PTPN3: variants seen among roughly 807,000 people sequenced by gnomAD.
PTPN3 encodes tyrosine-protein phosphatase non-receptor type 3.
PTPN3 carries 96 observed loss-of-function variants against 132.7 expected under a neutral mutation model. The ratio of observed to expected loss-of-function variants is 0.72; its 90% confidence interval spans 0.61 to 0.86. The LOEUF (loss-of-function observed/expected upper bound fraction) is 0.86, where lower values mean the gene tolerates loss of function less well. PTPN3 is among the 40% of genes least tolerant of loss of function. PTPN3 has a pLI of 0.00. For missense variants in PTPN3, 1,125 were observed against 1,159.6 expected (o/e 0.97, Z 0.43); for synonymous variants, 398 against 429.0 (o/e 0.93, Z 0.89).
In PTPN3 at chr9:109,437,015, G is replaced by C. The variant is rs201191988; in HGVS notation, c.588-45C>G. The C allele has an allele frequency of 1.6e-4, 257 of 1,610,066 alleles. 2 individuals carry two copies. The East Asian group carries it at 4.1e-3, about 25-fold the overall frequency. On this transcript the variant is annotated intron_variant, in intron 8 of 25. Transcript: ENST00000374541. ...AAGCAGAGTTCATCCAATAAAGAGA[G>C]GGCATTAACTCCAATTTTAAAAAAT...
intron 4 of PTPN3, 136 bp from the exon 5 acceptor site, chr9:109,454,710 A>G (rs1845471923): frequency 1.5e-6 from 1 of 652,274 alleles, no homozygotes; most frequent in African/African-American, 1.8e-5. Flanking sequence ...AATTTCAAAC[A>G]TGGAGTACAT....
At chr9:109,470,762 AGCTCAAACTAAGAATGTCT>A (rs1224443542) in intron 1 of PTPN3, among the ~76,000 whole-genome samples, 1 of 152,108 alleles carries the variant, frequency 6.6e-6, no homozygotes, top group African/African-American at 2.4e-5. Context: ...CACTAAGATG[AGCTCAAACTAAGAATGTCT>A]GCTCACTGAT....
At chr9:109,529,678 C>G in the PTPN3 span, among the ~76,000 whole-genome samples, 1 of 152,144 alleles carries the variant, frequency 6.6e-6, no homozygotes, top group Non-Finnish European at 1.5e-5. Flanking sequence ...ATAAAGTTTA[C>G]CACCTTAAGC....
chr9:109,451,227 A>AAT (rs149639840), intron 5 of PTPN3: 227 of 947,426 alleles, frequency 2.4e-4, no homozygotes, highest in Middle Eastern at 1.1e-3. Context: ...TGTTTCAAAA[A>AAT]ATATATATAT....
chr9:109,495,416 C>T (rs1461012553), intron 1 of PTPN3, among the ~76,000 whole-genome samples: 1 of 152,220 alleles, frequency 6.6e-6, no homozygotes, highest in Non-Finnish European at 1.5e-5. Flanking sequence ...CACTCCCTCC[C>T]ATCCCCAAAG....
intron 22 of PTPN3, among the ~76,000 whole-genome samples, chr9:109,383,934 C>T (rs1281164009): frequency 1.3e-5 from 2 of 152,054 alleles, no homozygotes; most frequent in Admixed American, 6.5e-5. Flanking sequence ...TCCTCCTGCA[C>T]CCCTCCTCCA....
chr9:109,416,440 T>C (rs1842498157), intron 14 of PTPN3, among the ~76,000 whole-genome samples: 1 of 141,246 alleles, frequency 7.1e-6, no homozygotes, highest in South Asian at 2.2e-4. Flanking sequence ...TTGTTTTTTG[T>C]TTTTTTGTTT....
chr9:109,391,012 TGTG>T (rs1840032141), intron 21 of PTPN3, 123 bp downstream of exon 21: 2 of 796,812 alleles, frequency 2.5e-6, no homozygotes, highest in Admixed American at 2.7e-5. Context: ...CCATGGCTGT[TGTG>T]GTGCTGAAAT....
chr9:109,512,058 G>A, the PTPN3 span, among the ~76,000 whole-genome samples: 1 of 152,150 alleles, frequency 6.6e-6, no homozygotes, highest in Non-Finnish European at 1.5e-5. Flanking sequence ...TTGGTAGGGC[G>A]AGGTCCAGGA....
At chr9:109,460,890 C>A (rs1051537829) in intron 2 of PTPN3, among the ~76,000 whole-genome samples, 1 of 152,072 alleles carries the variant, frequency 6.6e-6, no homozygotes, top group East Asian at 1.9e-4. Context: ...AAAGCTTAGC[C>A]CATAGTAAGT....
At chr9:109,500,028 A>G (rs553344212), upstream of PTPN3, among the ~76,000 whole-genome samples, 92 of 152,322 alleles carry the variant, frequency 6.0e-4, 4 homozygotes, top group Admixed American at 5.4e-3. Context: ...AGCTCCACCC[A>G]GCGCCCCCGG....
chr9:109,520,343 A>G, the PTPN3 span, among the ~76,000 whole-genome samples: 1 of 152,222 alleles, frequency 6.6e-6, no homozygotes, highest in Non-Finnish European at 1.5e-5. Flanking sequence ...TAAGAGATTT[A>G]TAAACAGAAA....
At chr9:109,447,644 T>C (rs1170053426) in intron 6 of PTPN3, among the ~76,000 whole-genome samples, 1 of 152,066 alleles carries the variant, frequency 6.6e-6, no homozygotes, top group Non-Finnish European at 1.5e-5. Context: ...CCACCTCCTC[T>C]CTCCACAAAC....
intron 5 of PTPN3, chr9:109,451,444 GAC>G: frequency 1.1e-6 from 1 of 911,826 alleles, no homozygotes. Flanking sequence ...AGAAGAGACA[GAC>G]ACACACTGTT....
chr9:109,426,530 G>C (rs144601472), intron 12 of PTPN3, among the ~76,000 whole-genome samples: 3 of 152,230 alleles, frequency 2.0e-5, no homozygotes, highest in African/African-American at 7.2e-5. Context: ...ACTTGACTCT[G>C]GAAATGTTTT....
In PTPN3 at chr9:109,412,375, T is replaced by TA. The variant is rs902986212; in HGVS notation, c.1314-1961dup. Among the ~76,000 whole-genome samples the TA allele has an allele frequency of 2.0e-5, 3 of 147,722 alleles. No homozygotes were observed. The East Asian group carries it at 6.0e-4, about 30-fold the overall frequency. On this transcript the variant is annotated intron_variant, in intron 14 of 25. Coordinates refer to ENST00000374541, the MANE Select transcript of PTPN3 (RefSeq NM_002829.4). The stretch of plus-strand genomic sequence containing the variant: ...GGCATTCGCCATGTCCAACTAATTT[T>TA]AATTTTTTTTTTTTTTTGAGTCAAA...
chr9:109,473,847 ACT>A (rs905986504), intron 1 of PTPN3, among the ~76,000 whole-genome samples: 5 of 151,058 alleles, frequency 3.3e-5, no homozygotes, highest in African/African-American at 1.2e-4. Context: ...ACAGGTGACC[ACT>A]CTCTCCTGAC....
the PTPN3 span, among the ~76,000 whole-genome samples, chr9:109,533,165 T>C: frequency 1.1e-5 from 1 of 88,182 alleles, no homozygotes; most frequent in African/African-American, 5.1e-5. Flanking sequence ...TGAGACGGAG[T>C]CTCGCTCTGT....
intron 22 of PTPN3, among the ~76,000 whole-genome samples, chr9:109,387,789 A>G (rs752612791): frequency 9.8e-5 from 15 of 152,360 alleles, no homozygotes; most frequent in African/African-American, 1.9e-4. Context: ...GCAAAAAATG[A>G]TATTTCTCTC....
Sources: allele counts gnomAD v4.1 joint callset (sites outside exome capture counted in the v4.1 genomes callset), GRCh38; gene constraint gnomAD v4.1.1; transcripts MANE v1.5; gene names NCBI Gene and HGNC (gene_info 2026-07-23, HGNC 2026-07-21).